Variants in ERC1 observed in about 807,000 individuals in gnomAD.
The protein encoded by ERC1 is ELKS/RAB6-interacting/CAST family member 1.
A neutral mutation model predicts 132.0 loss-of-function variants in ERC1; 56 were observed. The ratio of observed to expected loss-of-function variants is 0.42; its 90% CI spans 0.34 to 0.53. ERC1 has a LOEUF of 0.53. Among genes scored for constraint, ERC1 ranks in the 20% least tolerant of loss-of-function variants. The probability of loss-of-function intolerance (pLI) is 0.03; values close to 1 mark genes in which losing one functional copy is unlikely to be tolerated. For synonymous variants in ERC1, 478 were observed against 476.1 expected (o/e 1.00, Z -0.05); for missense variants, 1,202 against 1,349.9 (o/e 0.89, Z 1.72).
Position 1,472,368 on chromosome 12 carries a change from G to A in ERC1, c.3214-17725G>A, listed in dbSNP as rs185416894. On this transcript the variant is annotated intron_variant, in intron 18 of 18. Transcript: ENST00000360905. ...GATGACCTAACATTAAAAAATCTAG[G>A]CCAAGCACAGTGGCTCCCCACTATA... Among the ~76,000 whole-genome samples the A allele has an allele frequency of 1.1e-3, 166 of 152,220 alleles. 1 individual carries two copies. The highest frequency in any genetic ancestry group is 9.8e-3 in the Admixed American group (150 of 15,296).
At chr12:1,440,199 C>CTTTTT (rs756177628) in intron 17 of ERC1, among the ~76,000 whole-genome samples, 7 of 128,804 alleles carry the variant, frequency 5.4e-5, no homozygotes, top group Admixed American at 1.6e-4. Context: ...CTTTCTTTCT[C>CTTTTT]TTTTTTTTTT....
In ERC1 at chr12:1,107,364, C is replaced by G. The variant is rs145862972; in HGVS notation, c.1161+2540C>G. Among the ~76,000 whole-genome samples, 511 of 152,120 alleles carry G rather than the reference C, an allele frequency of 3.4e-3. 4 individuals are homozygous for G. Among genetic ancestry groups the G allele is most frequent in the African/African-American group, 0.012 (480 of 41,488 alleles). On this transcript the variant is annotated intron_variant, in intron 4 of 18. Transcript: ENST00000360905. ...GGTGATGATGACAGAGTAGTTTGGA[C>G]GTTGGTCCTGGACTGTACCCTGGAT... is the stretch of plus-strand genomic sequence containing the variant.
chr12:1,080,659 A>T (rs1942054338), intron 2 of ERC1, among the ~76,000 whole-genome samples: 2 of 152,156 alleles, frequency 1.3e-5, no homozygotes, highest in Admixed American at 1.3e-4. Context: ...TGATGGGTTT[A>T]TCAGGGGGTT....
chr12:1,185,098 A>G (rs1427852697), intron 11 of ERC1, among the ~76,000 whole-genome samples: 6 of 152,074 alleles, frequency 3.9e-5, no homozygotes, highest in African/African-American at 7.3e-5. Flanking sequence ...TTTAGTAGAG[A>G]TGGGGTTTCA....
chr12:1,335,380 C>T (rs2083225937), intron 15 of ERC1, among the ~76,000 whole-genome samples: 1 of 152,072 alleles, frequency 6.6e-6, no homozygotes, highest in Non-Finnish European at 1.5e-5. Context: ...ATAGGTGGCT[C>T]TTATTATTTT....
chr12:1,140,787 A>G, intron 7 of ERC1, among the ~76,000 whole-genome samples: 1 of 152,198 alleles, frequency 6.6e-6, no homozygotes, highest in East Asian at 1.9e-4. Flanking sequence ...GAGATGTGAT[A>G]TAAAGGTGAA....
At chr12:1,129,207 G>A (rs1163419243) in intron 7 of ERC1, among the ~76,000 whole-genome samples, 1 of 152,136 alleles carries the variant, frequency 6.6e-6, no homozygotes. Flanking sequence ...GACTGGGCAT[G>A]ATGGCTCACG....
At chr12:1,225,449 T>TAAAACACACACACACACACACACAC in intron 12 of ERC1, among the ~76,000 whole-genome samples, 1 of 131,848 alleles carries the variant, frequency 7.6e-6, no homozygotes, top group East Asian at 2.2e-4. Flanking sequence ...GGCTGTCTCT[T>TAAAACACACACACACACACACACAC]ACACACACAC....
intron 16 of ERC1, among the ~76,000 whole-genome samples, chr12:1,405,148 T>TAA (rs2091378371): frequency 1.5e-5 from 2 of 131,254 alleles, no homozygotes; most frequent in African/African-American, 6.3e-5. Flanking sequence ...TCAAAAAATA[T>TAA]AAATAAATAA....
At chr12:1,150,177 A>G (rs377758499) in intron 8 of ERC1, among the ~76,000 whole-genome samples, 3 of 152,348 alleles carry the variant, frequency 2.0e-5, no homozygotes, top group East Asian at 3.9e-4. Flanking sequence ...ACATTTTCCT[A>G]CTGAAGGAAC....
intron 17 of ERC1, among the ~76,000 whole-genome samples, chr12:1,421,641 T>C (rs568210921): frequency 2.0e-5 from 3 of 152,298 alleles, no homozygotes; most frequent in Admixed American, 6.5e-5. Flanking sequence ...AGTGATGTTA[T>C]CTATAGGAGT....
chr12:1,156,076 T>C (rs1951363238), intron 8 of ERC1, among the ~76,000 whole-genome samples: 1 of 152,070 alleles, frequency 6.6e-6, no homozygotes. Context: ...TCATACTTTT[T>C]ATTAATTTAA....
intron 2 of ERC1, among the ~76,000 whole-genome samples, chr12:1,043,782 G>T (rs1457101973): frequency 6.6e-6 from 1 of 152,102 alleles, no homozygotes; most frequent in African/African-American, 2.4e-5. Context: ...CGTTTTGTTT[G>T]TAACTTTACC....
Position 1,495,215 on chromosome 12 carries a change from CTT to C in ERC1, c.*4986_*4987del, listed in dbSNP as rs1355677356. 4.3e-6 allele frequency: 1 copy of C among 230,912 alleles called. No individual in the cohort carries two copies. The highest frequency in any genetic ancestry group is 6.1e-5 in the East Asian group (1 of 16,346). The allele number at this position is 230,912 out of a possible 1,614,324, so 14.3% of individuals were successfully genotyped here. A position where few individuals can be genotyped will look rare whatever the true frequency, so the allele number is the denominator to read the frequency against. ...CTCTCCTGCCCACTTGGTGCTATCTCTTCCAGTGACCACCCAGCACGGGTGAG... is the reference window on the plus strand; with the variant it reads ...CTCTCCTGCCCACTTGGTGCTATCTCCCAGTGACCACCCAGCACGGGTGAG... On this transcript the variant is annotated 3_prime_UTR_variant, in exon 19 of 19. Transcript: ENST00000360905.
chr12:1,287,763 T>A (rs760208645), intron 14 of ERC1, among the ~76,000 whole-genome samples: 12 of 152,226 alleles, frequency 7.9e-5, no homozygotes, highest in Non-Finnish European at 1.5e-4. Context: ...TGCCACTGGC[T>A]TTCCTGGGTC....
intron 1 of ERC1, among the ~76,000 whole-genome samples, chr12:1,001,635 T>C (rs1472774337): frequency 5.3e-5 from 8 of 152,212 alleles, no homozygotes; most frequent in Non-Finnish European, 8.8e-5. Flanking sequence ...TGCATCTTTA[T>C]ATGCATGGAA....
intron 3 of ERC1, among the ~76,000 whole-genome samples, chr12:1,091,293 G>T (rs565895253): frequency 6.6e-6 from 1 of 152,178 alleles, no homozygotes; most frequent in South Asian, 2.1e-4. Context: ...TCTGGGTGGA[G>T]TGCTAATTAA....
rs899975397 is a variant in ERC1 at position 1,349,299 on chromosome 12, G to A, written c.2781-22534G>A. The stretch of plus-strand genomic sequence containing the variant: ...TTGGCTTCAAGGCTTCAGTAAATCC[G>A]TAAAGTGAGATTGATTAGGATTAAT... On this transcript the variant is annotated intron_variant, in intron 15 of 18. Transcript: ENST00000360905. Among the ~76,000 whole-genome samples the A allele has an allele frequency of 3.3e-5, 5 of 152,158 alleles. No homozygotes were observed. The South Asian group carries it at 6.2e-4, about 19-fold the overall frequency.
At chr12:1,475,854 G>T (rs1037517354) in intron 18 of ERC1, among the ~76,000 whole-genome samples, 3 of 152,060 alleles carry the variant, frequency 2.0e-5, no homozygotes, top group Non-Finnish European at 4.4e-5. Flanking sequence ...AACTAGGCTA[G>T]ATGTGGTGGC....
Sources: gnomAD v4.1 joint callset for allele counts (sites outside exome capture counted in the v4.1 genomes callset) on GRCh38, gnomAD v4.1.1 for gene constraint, MANE v1.5 for transcripts, NCBI Gene and HGNC (gene_info 2026-07-23, HGNC 2026-07-21) for gene names.